The following WDPCP variants were observed in gnomAD, a reference collection of about 807,000 sequenced individuals.
The protein encoded by WDPCP is WD repeat containing planar cell polarity effector.
WDPCP carries 71 observed loss-of-function variants against 93.1 expected under a neutral mutation model. The ratio of observed to expected loss-of-function variants is 0.76; its 90% CI spans 0.63 to 0.93. The LOEUF (loss-of-function observed/expected upper bound fraction) is 0.93, where lower values mean the gene tolerates loss of function less well. Ranked by LOEUF, WDPCP falls within the 40% of genes least tolerant of loss-of-function variation. The probability of loss-of-function intolerance (pLI) is 0.00; values close to 1 mark genes in which losing one functional copy is unlikely to be tolerated. For synonymous variants in WDPCP, 315 were observed against 315.0 expected (o/e 1.00, Z 0.00); for missense variants, 844 against 887.4 (o/e 0.95, Z 0.62).
chr2:63,321,915 T>A (rs1223303135), intron 12 of WDPCP, among the ~76,000 whole-genome samples: 1 of 152,180 alleles, frequency 6.6e-6, no homozygotes, highest in African/African-American at 2.4e-5. Context: ...ATCACTTTAC[T>A]GAGGTATTAT....
intron 1 of WDPCP, among the ~76,000 whole-genome samples, chr2:63,551,362 G>A (rs970612470): frequency 9.2e-5 from 14 of 152,262 alleles, no homozygotes; most frequent in Admixed American, 7.2e-4. Context: ...GGTCATGGGG[G>A]CAGATCTCTC....
At chr2:63,522,096 C>T (rs1169943127) in intron 1 of WDPCP, among the ~76,000 whole-genome samples, 1 of 151,962 alleles carries the variant, frequency 6.6e-6, no homozygotes, top group African/African-American at 2.4e-5. Flanking sequence ...ATGCTTGTTA[C>T]ATAGGTATAC....
intron 1 of WDPCP, among the ~76,000 whole-genome samples, chr2:63,585,341 C>T (rs1203335222): frequency 6.6e-6 from 1 of 151,894 alleles, no homozygotes. Context: ...CTTAAGCCAA[C>T]AAATAATTTC....
chr2:63,193,641 C>G (rs562777123), intron 14 of WDPCP, among the ~76,000 whole-genome samples: 1 of 152,314 alleles, frequency 6.6e-6, no homozygotes, highest in Admixed American at 6.5e-5. Context: ...CACGAACCAC[C>G]ATGCCTGGCT....
chr2:63,723,865 T>C (rs1669462300), intron 2 of WDPCP, among the ~76,000 whole-genome samples: 1 of 152,144 alleles, frequency 6.6e-6, no homozygotes, highest in African/African-American at 2.4e-5. Flanking sequence ...ATCCAGGACA[T>C]TGACTTCTGA....
At chr2:63,580,925 A>G (rs1708451132) in intron 1 of WDPCP, among the ~76,000 whole-genome samples, 1 of 152,212 alleles carries the variant, frequency 6.6e-6, no homozygotes. Flanking sequence ...AGAAAAAATC[A>G]AGGGGATAGT....
chr2:63,152,243 G>A (rs1017233185), intron 17 of WDPCP, among the ~76,000 whole-genome samples: 1 of 150,606 alleles, frequency 6.6e-6, no homozygotes, highest in Non-Finnish European at 1.5e-5. Flanking sequence ...CCGCTACCCA[G>A]CTTCATCAGT....
intron 2 of WDPCP, among the ~76,000 whole-genome samples, chr2:63,655,283 G>A (rs557909779): frequency 5.3e-5 from 8 of 152,122 alleles, no homozygotes; most frequent in East Asian, 1.9e-4. Flanking sequence ...CTCTCTCTTC[G>A]TATTACCCCC....
At chr2:63,575,368 C>CCGTGT (rs773707704) in intron 1 of WDPCP, among the ~76,000 whole-genome samples, 4 of 124,992 alleles carry the variant, frequency 3.2e-5, no homozygotes, top group African/African-American at 1.2e-4. Flanking sequence ...ACAGTATATA[C>CCGTGT]AGTATATACA....
At chr2:63,220,115 G>C (rs1238758404) in intron 14 of WDPCP, among the ~76,000 whole-genome samples, 1 of 152,170 alleles carries the variant, frequency 6.6e-6, no homozygotes, top group African/African-American at 2.4e-5. Flanking sequence ...TCATCCTTAA[G>C]TTTTAACTTA....
intron 2 of WDPCP, among the ~76,000 whole-genome samples, chr2:63,737,209 A>T (rs1332780893): frequency 6.6e-6 from 1 of 152,170 alleles, no homozygotes; most frequent in East Asian, 1.9e-4. Flanking sequence ...CCACTGTTGC[A>T]GTTGCTGATG....
At chr2:63,679,309 C>G (rs1206304024) in intron 2 of WDPCP, among the ~76,000 whole-genome samples, 1 of 152,126 alleles carries the variant, frequency 6.6e-6, no homozygotes, top group Non-Finnish European at 1.5e-5. Flanking sequence ...TGGAATTAAT[C>G]TGTCTTCTAC....
chr2:63,172,271 C>T (rs1465840035), intron 15 of WDPCP, among the ~76,000 whole-genome samples: 4 of 152,046 alleles, frequency 2.6e-5, no homozygotes, highest in Non-Finnish European at 4.4e-5. Flanking sequence ...TTTGAAAGGC[C>T]GAGGCAAAAG....
intron 14 of WDPCP, among the ~76,000 whole-genome samples, chr2:63,216,191 G>C (rs1677321505): frequency 6.6e-6 from 1 of 152,154 alleles, no homozygotes; most frequent in Admixed American, 6.6e-5. Flanking sequence ...ATTTGACCCA[G>C]CCATCCTATC....
chr2:63,733,837 C>T (rs1361148104), intron 2 of WDPCP, among the ~76,000 whole-genome samples: 1 of 152,012 alleles, frequency 6.6e-6, no homozygotes, highest in Non-Finnish European at 1.5e-5. Flanking sequence ...ATTGTGCAAC[C>T]ATCACCACTA....
chr2:63,705,429 G>A (rs1259408489), intron 2 of WDPCP, among the ~76,000 whole-genome samples: 2 of 152,018 alleles, frequency 1.3e-5, no homozygotes, highest in Admixed American at 6.6e-5. Context: ...TCTCTTGTGG[G>A]CATTTAGTGC....
intron 1 of WDPCP, among the ~76,000 whole-genome samples, chr2:63,569,639 C>A (rs1029756398): frequency 6.6e-6 from 1 of 152,172 alleles, no homozygotes; most frequent in East Asian, 1.9e-4. Flanking sequence ...TACTCAATTT[C>A]CTCACAAACA....
At chr2:63,428,142 G>C (rs1696457067) in intron 9 of WDPCP, among the ~76,000 whole-genome samples, 1 of 149,556 alleles carries the variant, frequency 6.7e-6, no homozygotes, top group African/African-American at 2.5e-5. Flanking sequence ...AATTCTACCA[G>C]ACGTAAAAAG....
At chr2:63,647,519 T>C (rs191604748) in intron 3 of WDPCP, among the ~76,000 whole-genome samples, 30 of 152,212 alleles carry the variant, frequency 2.0e-4, no homozygotes, top group African/African-American at 6.3e-4. Flanking sequence ...AAAAAGCCAA[T>C]CCCCAAAGGT....
Sources: gnomAD v4.1 joint callset for allele counts (sites outside exome capture counted in the v4.1 genomes callset) on GRCh38, gnomAD v4.1.1 for gene constraint, MANE v1.5 for transcripts, NCBI Gene and HGNC (gene_info 2026-07-23, HGNC 2026-07-21) for gene names.